The following TUSC3 variants were observed in gnomAD, a reference collection of about 807,000 sequenced individuals.
The protein encoded by TUSC3 is dolichyl-diphosphooligosaccharide--protein glycosyltransferase subunit TUSC3.
A neutral mutation model predicts 44.8 loss-of-function variants in TUSC3; 45 were observed. The ratio of observed to expected loss-of-function variants is 1.00; its 90% CI spans 0.79 to 1.29. TUSC3 has a LOEUF of 1.29. Among genes scored for constraint, TUSC3 ranks in the 50% most tolerant of loss-of-function variants. The pLI is 0.00. For synonymous variants in TUSC3, 212 were observed against 152.9 expected (o/e 1.39, Z -2.85); for missense variants, 519 against 437.9 (o/e 1.19, Z -1.65).
intron 7 of TUSC3, among the ~76,000 whole-genome samples, chr8:15,738,754 T>C (rs1811042759): frequency 6.6e-6 from 1 of 151,540 alleles, no homozygotes; most frequent in Admixed American, 6.6e-5. Context: ...TTATATATAC[T>C]TTTATACATA....
At chr8:15,844,317 G>A in the TUSC3 span, among the ~76,000 whole-genome samples, 6 of 152,072 alleles carry the variant, frequency 3.9e-5, no homozygotes, top group Non-Finnish European at 7.4e-5. Context: ...TTTAGTATGC[G>A]TTGGGCACTG....
the TUSC3 span, among the ~76,000 whole-genome samples, chr8:15,784,086 A>G: frequency 6.6e-6 from 1 of 152,208 alleles, no homozygotes; most frequent in Non-Finnish European, 1.5e-5. Context: ...AAGGCCAGAT[A>G]TATGAAAAAA....
chr8:15,812,471 G>A, the TUSC3 span, among the ~76,000 whole-genome samples: 1 of 152,050 alleles, frequency 6.6e-6, no homozygotes, highest in Non-Finnish European at 1.5e-5. Context: ...ATAGCAATAG[G>A]TAGATATACA....
chr8:15,833,351 T>C, the TUSC3 span, among the ~76,000 whole-genome samples: 1 of 152,256 alleles, frequency 6.6e-6, no homozygotes, highest in Middle Eastern at 3.4e-3. Context: ...AGCAATCTCA[T>C]TACTGGGTAT....
In TUSC3 at chr8:15,650,769, C is replaced by A. The variant is rs1191918634; in HGVS notation, c.381C>A (p.Phe127Leu). The stretch of plus-strand genomic sequence containing the variant: ...CATCTGCTTTTTGTAACAAGCTCTT[C>A]TTCAGTATGGTGGACTATGATGAGG... ...RYSSAFCNKL[F>L]FSMVDYDEGT... The change falls in exon 3 of 11, where the codon TTC (phenylalanine) becomes TTA (leucine). Residue 127 changes from phenylalanine (F) to leucine (L), a missense_variant. Coordinates refer to ENST00000503731, the MANE Select transcript of TUSC3 (RefSeq NM_006765.4). 1.2e-6 allele frequency: 2 copies of A among 1,614,128 alleles called. No individual in the cohort carries two copies. Among genetic ancestry groups the A allele is most frequent in the Non-Finnish European group, 1.7e-6 (2 of 1,180,014 alleles).
Position 15,623,177 on chromosome 8 carries a change from C to T in TUSC3, c.236C>T (p.Ala79Val). 1 of 1,613,780 alleles carries T rather than the reference C, an allele frequency of 6.2e-7. No homozygotes were observed. Among genetic ancestry groups the T allele is most frequent in the Non-Finnish European group, 8.5e-7 (1 of 1,179,816 alleles). The change falls in exon 2 of 11, where the codon GCA (alanine) becomes GTA (valine). Residue 79 changes from alanine to valine, a missense_variant. Transcript: ENST00000503731. ...NGDKFRKFIK[A>V]PPRNYSMIVM... Reference sequence around the variant, plus strand: ...GATAAATTCCGAAAATTTATAAAGGCACCACCTCGAAACTATTCCATGATT... The same window carrying T: ...GATAAATTCCGAAAATTTATAAAGGTACCACCTCGAAACTATTCCATGATT...
At chr8:15,446,957 G>A (rs995097211) in intron 1 of TUSC3, among the ~76,000 whole-genome samples, 5 of 151,262 alleles carry the variant, frequency 3.3e-5, no homozygotes, top group South Asian at 2.1e-4. Context: ...TATTAAAATG[G>A]AAATTCACAC....
intron 2 of TUSC3, among the ~76,000 whole-genome samples, chr8:15,503,531 C>G (rs1450387391): frequency 6.6e-6 from 1 of 151,776 alleles, no homozygotes; most frequent in Non-Finnish European, 1.5e-5. Flanking sequence ...TTAATGAGAC[C>G]CTATCTCTAG....
the TUSC3 span, among the ~76,000 whole-genome samples, chr8:15,839,179 G>T: frequency 6.6e-6 from 1 of 152,120 alleles, no homozygotes; most frequent in Non-Finnish European, 1.5e-5. Flanking sequence ...TGGTGTATAG[G>T]AATGCTTGTG....
At chr8:15,439,699 A>C (rs933734357) in intron 1 of TUSC3, among the ~76,000 whole-genome samples, 1 of 152,216 alleles carries the variant, frequency 6.6e-6, no homozygotes, top group Non-Finnish European at 1.5e-5. Context: ...TAAATTACAG[A>C]GTAGTTCTTT....
chr8:15,465,700 G>A (rs772612880), intron 1 of TUSC3, among the ~76,000 whole-genome samples: 8 of 152,178 alleles, frequency 5.3e-5, no homozygotes, highest in Non-Finnish European at 1.2e-4. Flanking sequence ...ATCAAAAGAT[G>A]CTTAAAATAA....
In TUSC3 at chr8:15,421,796, T is replaced by C. The variant is rs1390063; in HGVS notation, n.91+4491T>C. On this transcript the variant is annotated intron_variant and non_coding_transcript_variant, in intron 1 of 5. Transcript: ENST00000503191. Reference sequence around the variant, plus strand: ...CCTGGATCATAGACCTAATGTGGCATATATGGTATAGGATGACACGTGCCT... The same window carrying C: ...CCTGGATCATAGACCTAATGTGGCACATATGGTATAGGATGACACGTGCCT... Among the ~76,000 whole-genome samples, 309 of 152,322 alleles carry C rather than the reference T, an allele frequency of 2.0e-3. 1 individual carries two copies. Among genetic ancestry groups the C allele is most frequent in the African/African-American group, 7.0e-3 (291 of 41,578 alleles).
chr8:15,813,070 G>T, the TUSC3 span, among the ~76,000 whole-genome samples: 12 of 151,976 alleles, frequency 7.9e-5, no homozygotes, highest in East Asian at 2.1e-3. Flanking sequence ...CTGCGGCCTG[G>T]ACAACAGAGT....
intron 6 of TUSC3, among the ~76,000 whole-genome samples, chr8:15,692,783 C>T (rs964043179): frequency 1.3e-5 from 2 of 151,520 alleles, no homozygotes; most frequent in African/African-American, 4.9e-5. Flanking sequence ...TACTAGTTTT[C>T]CACTATTGGA....
intron 7 of TUSC3, among the ~76,000 whole-genome samples, chr8:15,731,499 G>A (rs1449731799): frequency 6.6e-6 from 1 of 152,098 alleles, no homozygotes; most frequent in Non-Finnish European, 1.5e-5. Flanking sequence ...AACCAAAGGT[G>A]TAAATCTTTA....
At chr8:15,520,921 A>G (rs1277264688) in intron 2 of TUSC3, among the ~76,000 whole-genome samples, 1 of 152,248 alleles carries the variant, frequency 6.6e-6, no homozygotes, top group East Asian at 1.9e-4. Flanking sequence ...GCTGTCAGCC[A>G]AAGTGGAGCC....
chr8:15,419,354 C>G (rs1459749070), intron 1 of TUSC3, among the ~76,000 whole-genome samples: 1 of 152,206 alleles, frequency 6.6e-6, no homozygotes, highest in Non-Finnish European at 1.5e-5. Context: ...TCCGTGCAAT[C>G]AATGTCTAGA....
the TUSC3 span, among the ~76,000 whole-genome samples, chr8:15,786,160 G>A: frequency 4.5e-4 from 68 of 152,244 alleles, 1 homozygote; most frequent in Middle Eastern, 3.4e-3. Flanking sequence ...TAAGATGGCA[G>A]ACTAAGCACA....
At chr8:15,428,376 A>G (rs1249428775) in intron 1 of TUSC3, among the ~76,000 whole-genome samples, 1 of 151,586 alleles carries the variant, frequency 6.6e-6, no homozygotes, top group Non-Finnish European at 1.5e-5. Context: ...TCATTGTTGG[A>G]CATTTGGGTT....
Sources: allele counts gnomAD v4.1 joint callset (sites outside exome capture counted in the v4.1 genomes callset), GRCh38; gene constraint gnomAD v4.1.1; transcripts MANE v1.5; gene names NCBI Gene and HGNC (gene_info 2026-07-23, HGNC 2026-07-21).